Variants in ANO10 observed in about 807,000 individuals in gnomAD.
ANO10 encodes anoctamin-10.
Under a neutral mutation model 74.7 loss-of-function variants are expected in ANO10, and 77 were observed. That is an observed-to-expected ratio of 1.03 (90% CI 0.86 to 1.25). The LOEUF (loss-of-function observed/expected upper bound fraction) is 1.25. Ranked by LOEUF, ANO10 falls within the 50% of genes most tolerant of loss-of-function variation. The probability of loss-of-function intolerance (pLI) is 0.00; values close to 1 mark genes in which losing one functional copy is unlikely to be tolerated. For missense variants in ANO10, 721 were observed against 778.1 expected (o/e 0.93, Z 0.87); for synonymous variants, 279 against 284.9 (o/e 0.98, Z 0.21).
intron 11 of ANO10, among the ~76,000 whole-genome samples, chr3:43,474,461 C>T (rs1210013160): frequency 2.0e-5 from 3 of 152,164 alleles, no homozygotes; most frequent in African/African-American, 7.2e-5. Context: ...TCCTTGATTA[C>T]ATTTTTGACT....
chr3:43,426,109 C>G (rs2092896663), intron 12 of ANO10, among the ~76,000 whole-genome samples: 1 of 152,128 alleles, frequency 6.6e-6, no homozygotes, highest in African/African-American at 2.4e-5. Context: ...CCATCCCTCC[C>G]CCGCCTCCAC....
intron 12 of ANO10, among the ~76,000 whole-genome samples, chr3:43,391,094 A>G (rs2092262895): frequency 6.6e-6 from 1 of 152,212 alleles, no homozygotes; most frequent in Non-Finnish European, 1.5e-5. Context: ...ATGTTTTCTG[A>G]ACTATCTGAG....
chr3:43,512,790 CA>C (rs2077559566), intron 11 of ANO10, among the ~76,000 whole-genome samples: 7 of 151,862 alleles, frequency 4.6e-5, no homozygotes, highest in Admixed American at 4.6e-4. Flanking sequence ...AAACAACAAC[CA>C]AAAAACAAGA....
At chr3:43,508,130 T>C (rs1276628669) in intron 11 of ANO10, among the ~76,000 whole-genome samples, 1 of 151,828 alleles carries the variant, frequency 6.6e-6, no homozygotes, top group Non-Finnish European at 1.5e-5. Flanking sequence ...AACAGAAAAA[T>C]GCTCTAATTC....
At chr3:43,397,332 A>T (rs762300771) in intron 12 of ANO10, among the ~76,000 whole-genome samples, 2 of 152,196 alleles carry the variant, frequency 1.3e-5, no homozygotes, top group Non-Finnish European at 2.9e-5. Flanking sequence ...TAACTGTATT[A>T]ACGCCCTTGC....
chr3:43,477,801 A>G (rs1010169836), intron 11 of ANO10, among the ~76,000 whole-genome samples: 1 of 152,154 alleles, frequency 6.6e-6, no homozygotes, highest in African/African-American at 2.4e-5. Context: ...CTTAACATAG[A>G]AGGTGCCTGT....
Position 43,500,970 on chromosome 3 carries a change from G to A in ANO10, c.1797+48750C>T, listed in dbSNP as rs573162254. 2.2e-4 allele frequency among the ~76,000 whole-genome samples: 34 copies of A among 152,298 alleles called. No individual in the cohort carries two copies. The East Asian group carries it at 5.6e-3, about 25-fold the overall frequency. On this transcript the variant is annotated intron_variant, in intron 11 of 12. Transcript: ENST00000292246. ...AAGAGGGCTGGGGAGGGCGCTGTACGTACAGTTGAATCAACTCAAATCTCT... is the reference window on the plus strand; with the variant it reads ...AAGAGGGCTGGGGAGGGCGCTGTACATACAGTTGAATCAACTCAAATCTCT...
intron 11 of ANO10, among the ~76,000 whole-genome samples, chr3:43,447,934 T>C (rs957699278): frequency 1.3e-5 from 2 of 152,232 alleles, no homozygotes; most frequent in African/African-American, 4.8e-5. Flanking sequence ...TGAATTTCTG[T>C]GTCCCCACAA....
chr3:43,481,510 G>A (rs1365456651), intron 11 of ANO10, among the ~76,000 whole-genome samples: 1 of 152,130 alleles, frequency 6.6e-6, no homozygotes, highest in African/African-American at 2.4e-5. Flanking sequence ...GATGGGACAT[G>A]GGGGGTTGAA....
At chr3:43,397,720 A>C (rs540331470) in intron 12 of ANO10, among the ~76,000 whole-genome samples, 7 of 152,264 alleles carry the variant, frequency 4.6e-5, no homozygotes, top group South Asian at 2.1e-4. Flanking sequence ...CTCTGGGGTT[A>C]TCTCTCCTTG....
chr3:43,403,460 T>A (rs979573770), intron 12 of ANO10, among the ~76,000 whole-genome samples: 1 of 152,146 alleles, frequency 6.6e-6, no homozygotes, highest in African/African-American at 2.4e-5. Context: ...GCTGGGCCCA[T>A]GTGGGTCCAA....
chr3:43,632,940 A>G (rs1457151326), intron 1 of ANO10, among the ~76,000 whole-genome samples: 13 of 152,218 alleles, frequency 8.5e-5, no homozygotes, highest in Admixed American at 8.5e-4. Flanking sequence ...CTGATTATAA[A>G]AAATTCTATT....
intron 1 of ANO10, chr3:43,690,795 G>A (rs376299695): frequency 1.5e-5 from 7 of 468,024 alleles, no homozygotes; most frequent in Admixed American, 1.3e-4. Flanking sequence ...AGTGCATGCT[G>A]GCTGGGGATG....
At chr3:43,430,386 A>T (rs1241216048) in intron 12 of ANO10, among the ~76,000 whole-genome samples, 1 of 151,628 alleles carries the variant, frequency 6.6e-6, no homozygotes, top group African/African-American at 2.4e-5. Flanking sequence ...ATACACCCAG[A>T]CTTTTAATAG....
intron 11 of ANO10, among the ~76,000 whole-genome samples, chr3:43,536,818 C>T (rs2078730110): frequency 6.6e-6 from 1 of 151,898 alleles, no homozygotes; most frequent in African/African-American, 2.4e-5. Context: ...TAAACATGTC[C>T]TAAGCCACAA....
chr3:43,459,663 C>A (rs2075294382), intron 11 of ANO10, among the ~76,000 whole-genome samples: 1 of 152,150 alleles, frequency 6.6e-6, no homozygotes. Flanking sequence ...GTGCTTCCTG[C>A]CAGTGCCTGT....
chr3:43,643,678 C>T (rs2083694679), intron 1 of ANO10, among the ~76,000 whole-genome samples: 2 of 133,618 alleles, frequency 1.5e-5, no homozygotes, highest in Admixed American at 7.7e-5. Context: ...TTGTCCTCAT[C>T]TTTTCTTTTT....
intron 12 of ANO10, among the ~76,000 whole-genome samples, chr3:43,369,574 CA>C (rs1188986318): frequency 6.6e-6 from 1 of 152,212 alleles, no homozygotes; most frequent in Admixed American, 6.5e-5. Context: ...GCCAGCTTGG[CA>C]GCCAGGGGAA....
chr3:43,505,952 G>A (rs2077278872), intron 11 of ANO10, among the ~76,000 whole-genome samples: 1 of 152,030 alleles, frequency 6.6e-6, no homozygotes, highest in Non-Finnish European at 1.5e-5. Flanking sequence ...AATGATAAAG[G>A]ATTTAAGATG....
Sources: gnomAD v4.1 joint callset for allele counts (sites outside exome capture counted in the v4.1 genomes callset) on GRCh38, gnomAD v4.1.1 for gene constraint, MANE v1.5 for transcripts, NCBI Gene and HGNC (gene_info 2026-07-23, HGNC 2026-07-21) for gene names.